Variants in KCNIP4 observed in about 807,000 individuals in gnomAD.
The protein encoded by KCNIP4 is potassium voltage-gated channel interacting protein 4, also known as Kv channel-interacting protein 4.
A neutral mutation model predicts 34.0 loss-of-function variants in KCNIP4; 12 were observed. That is an observed-to-expected ratio of 0.35 (90% confidence interval 0.23 to 0.57). KCNIP4 has a LOEUF of 0.57. KCNIP4 is among the 20% of genes least tolerant of loss of function. The probability of loss-of-function intolerance (pLI) is 0.83; values close to 1 mark genes in which losing one functional copy is unlikely to be tolerated. For synonymous variants in KCNIP4, 124 were observed against 102.2 expected (o/e 1.21, Z -1.29); for missense variants, 238 against 311.7 (o/e 0.76, Z 1.78).
At chr4:21,221,405 G>C (rs986071545) in intron 1 of KCNIP4, among the ~76,000 whole-genome samples, 2 of 152,098 alleles carry the variant, frequency 1.3e-5, no homozygotes, top group Admixed American at 6.6e-5. Flanking sequence ...AGCATGCCTG[G>C]GGAGGCCTCA....
intron 1 of KCNIP4, among the ~76,000 whole-genome samples, chr4:21,010,063 C>G (rs910192362): frequency 2.6e-5 from 4 of 152,210 alleles, no homozygotes; most frequent in Admixed American, 2.0e-4. Flanking sequence ...ACCCTAATTA[C>G]TTCCCAAAGG....
intron 1 of KCNIP4, among the ~76,000 whole-genome samples, chr4:21,785,956 TTTTA>T (rs1203596006): frequency 3.9e-5 from 6 of 152,132 alleles, no homozygotes; most frequent in African/African-American, 1.4e-4. Flanking sequence ...TCACCTCTCT[TTTTA>T]TTTGAGGGGC....
intron 1 of KCNIP4, among the ~76,000 whole-genome samples, chr4:21,139,309 C>T (rs187632513): frequency 1.3e-4 from 20 of 152,246 alleles, no homozygotes; most frequent in Middle Eastern, 3.4e-3. Context: ...AAAATAGAAA[C>T]GTAAACAAAA....
chr4:21,655,818 A>G lies in KCNIP4; in HGVS notation c.61+292753T>C, dbSNP rs1747876984. Among the ~76,000 whole-genome samples, 5 of 152,338 alleles carry G rather than the reference A, an allele frequency of 3.3e-5. No individual in the cohort carries two copies. The South Asian group carries it at 1.0e-3, about 32-fold the overall frequency. ...GTGCATTTAACAGATCACCATGCAT[A>G]AATTTTTGCCCCAAATGTGTTCTGC... On this transcript the variant is annotated intron_variant, in intron 1 of 8. Coordinates refer to ENST00000382152, the MANE Select transcript of KCNIP4 (RefSeq NM_025221.6).
At chr4:20,977,248 A>G (rs1560616219) in intron 1 of KCNIP4, among the ~76,000 whole-genome samples, 1 of 152,172 alleles carries the variant, frequency 6.6e-6, no homozygotes, top group Non-Finnish European at 1.5e-5. Context: ...CACTACTTGC[A>G]GACACAAGTT....
chr4:21,886,593 T>C (rs1726778580), intron 1 of KCNIP4, among the ~76,000 whole-genome samples: 1 of 152,122 alleles, frequency 6.6e-6, no homozygotes, highest in Non-Finnish European at 1.5e-5. Flanking sequence ...AAAGCTTCCA[T>C]CAAAACTGTA....
At chr4:21,014,081 T>C (rs62293773) in intron 1 of KCNIP4, among the ~76,000 whole-genome samples, 9,255 of 152,270 alleles carry the variant, frequency 0.061, 369 homozygotes, top group East Asian at 0.18. Context: ...TCATCAACCA[T>C]ATTCTGATGA....
intron 1 of KCNIP4, among the ~76,000 whole-genome samples, chr4:21,241,264 A>G (rs1417673063): frequency 6.6e-6 from 1 of 152,236 alleles, no homozygotes; most frequent in Non-Finnish European, 1.5e-5. Context: ...TCAATTGGGT[A>G]ACTTACAAAG....
intron 1 of KCNIP4, among the ~76,000 whole-genome samples, chr4:21,678,886 A>T (rs1251512840): frequency 1.3e-5 from 2 of 152,144 alleles, no homozygotes; most frequent in African/African-American, 4.8e-5. Flanking sequence ...TAGAGATAAG[A>T]TCTTTAAAGG....
At chr4:21,653,087 T>C (rs1439547297) in intron 1 of KCNIP4, among the ~76,000 whole-genome samples, 1 of 152,248 alleles carries the variant, frequency 6.6e-6, no homozygotes, top group Admixed American at 6.5e-5. Flanking sequence ...ACAAATTCAT[T>C]ATGCACCTTT....
intron 1 of KCNIP4, among the ~76,000 whole-genome samples, chr4:21,627,736 C>T (rs146434129): frequency 2.0e-5 from 3 of 152,280 alleles, no homozygotes; most frequent in African/African-American, 7.2e-5. Flanking sequence ...TCTTTTCACA[C>T]TGAAGCTGAT....
chr4:21,630,626 T>G (rs543192889), intron 1 of KCNIP4, among the ~76,000 whole-genome samples: 1 of 152,256 alleles, frequency 6.6e-6, no homozygotes, highest in South Asian at 2.1e-4. Flanking sequence ...TTAGGCTTAT[T>G]GCCATCAATT....
chr4:21,717,596 G>A (rs760684484), intron 1 of KCNIP4, among the ~76,000 whole-genome samples: 7 of 152,054 alleles, frequency 4.6e-5, no homozygotes, highest in Non-Finnish European at 1.0e-4. Context: ...TATTCAAATG[G>A]TAGCCTAGGA....
intron 1 of KCNIP4, among the ~76,000 whole-genome samples, chr4:21,563,444 T>C (rs1294504406): frequency 6.6e-6 from 1 of 152,096 alleles, no homozygotes; most frequent in African/African-American, 2.4e-5. Context: ...TATATTCAAA[T>C]TGGGAATTGC....
chr4:21,508,439 C>T (rs971522137), intron 1 of KCNIP4, among the ~76,000 whole-genome samples: 2 of 152,058 alleles, frequency 1.3e-5, no homozygotes, highest in Non-Finnish European at 2.9e-5. Flanking sequence ...CAGAAATGTC[C>T]CCTCTTCCAC....
chr4:21,247,787 T>TATAC (rs1760368453), intron 1 of KCNIP4, among the ~76,000 whole-genome samples: 1 of 97,974 alleles, frequency 1.0e-5, no homozygotes, highest in African/African-American at 5.0e-5. Context: ...TTTATATATA[T>TATAC]ACACCACAGG....
intron 1 of KCNIP4, among the ~76,000 whole-genome samples, chr4:21,535,855 C>T (rs1207875483): frequency 6.6e-6 from 1 of 152,108 alleles, no homozygotes. Context: ...GATCAACAAT[C>T]CCTAAAGGGC....
chr4:21,359,893 A>G (rs764235584), intron 1 of KCNIP4, among the ~76,000 whole-genome samples: 1 of 152,162 alleles, frequency 6.6e-6, no homozygotes, highest in Non-Finnish European at 1.5e-5. Flanking sequence ...ATGAAGAAAT[A>G]TAATGTAGAA....
At chr4:21,310,870 C>T (rs1217718201) in intron 1 of KCNIP4, among the ~76,000 whole-genome samples, 4 of 152,134 alleles carry the variant, frequency 2.6e-5, no homozygotes, top group Middle Eastern at 3.4e-3. Flanking sequence ...CCTCGTGATC[C>T]GCCCGCCTCG....
Sources: gnomAD v4.1 joint callset for allele counts (sites outside exome capture counted in the v4.1 genomes callset) on GRCh38, gnomAD v4.1.1 for gene constraint, MANE v1.5 for transcripts, NCBI Gene and HGNC (gene_info 2026-07-23, HGNC 2026-07-21) for gene names.